PHACTR3: variants seen among roughly 807,000 people sequenced by gnomAD.
PHACTR3 encodes protein phosphatase 1, regulatory subunit 123.
Under a neutral mutation model 66.8 loss-of-function variants are expected in PHACTR3, and 16 were observed. The ratio of observed to expected loss-of-function variants is 0.24; its 90% CI spans 0.16 to 0.36. The LOEUF (loss-of-function observed/expected upper bound fraction) is 0.36, where lower values mean the gene tolerates loss of function less well. Ranked by LOEUF, PHACTR3 falls within the 10% of genes least tolerant of loss-of-function variation. PHACTR3 has a pLI of 1.00. For synonymous variants in PHACTR3, 323 were observed against 292.1 expected, an observed-to-expected ratio of 1.11 and a Z score of -1.08; for missense variants, 647 against 719.9, an observed-to-expected ratio of 0.90 and a Z score of 1.16.
At chr20:59,633,204 G>A (rs2034728808) in intron 1 of PHACTR3, among the ~76,000 whole-genome samples, 1 of 152,176 alleles carries the variant, frequency 6.6e-6, no homozygotes, top group South Asian at 2.1e-4. Flanking sequence ...ATGCATACGT[G>A]TGTTTATTGC....
intron 1 of PHACTR3, among the ~76,000 whole-genome samples, chr20:59,667,756 T>C (rs1339578088): frequency 6.6e-6 from 1 of 152,186 alleles, no homozygotes; most frequent in Non-Finnish European, 1.5e-5. Flanking sequence ...CTGAAAGGCT[T>C]CCTGTCCTGC....
At chr20:59,609,403 C>T (rs1413952904) in intron 1 of PHACTR3, among the ~76,000 whole-genome samples, 1 of 152,138 alleles carries the variant, frequency 6.6e-6, no homozygotes, top group Non-Finnish European at 1.5e-5. Context: ...CTTGACACCT[C>T]CCTCTCCCAA....
intron 9 of PHACTR3, among the ~76,000 whole-genome samples, chr20:59,839,914 G>A (rs2059028034): frequency 6.6e-6 from 1 of 152,176 alleles, no homozygotes; most frequent in African/African-American, 2.4e-5. Context: ...TAAAAAGTCT[G>A]TACGCTTATT....
At position 59,815,692 on chromosome 20, in the gene PHACTR3, G is replaced by A. The variant is rs570471386; in HGVS notation, c.1328+9498G>A. Among the ~76,000 whole-genome samples, 10 of 152,254 alleles carry A rather than the reference G, an allele frequency of 6.6e-5. No individual in the cohort carries two copies. In the South Asian group the frequency reaches 1.9e-3, roughly 28 times the overall value. On this transcript the variant is annotated intron_variant, in intron 8 of 12. Transcript: ENST00000371015. ...CCTGCCTTGGCCTCCCAAAGTGCTG[G>A]GATTGCAGGCGTAAGCCACCACGCC...
At chr20:59,627,450 C>T (rs1292427620) in intron 1 of PHACTR3, among the ~76,000 whole-genome samples, 2 of 152,198 alleles carry the variant, frequency 1.3e-5, no homozygotes, top group African/African-American at 2.4e-5. Context: ...TCCAAGCGTT[C>T]CAGCCTGAGC....
intron 1 of PHACTR3, among the ~76,000 whole-genome samples, chr20:59,728,301 T>C (rs955641752): frequency 3.3e-5 from 5 of 152,088 alleles, no homozygotes; most frequent in Non-Finnish European, 1.5e-5. Flanking sequence ...TTCTTCCTGG[T>C]AAGAGCGTAA....
intron 4 of PHACTR3, among the ~76,000 whole-genome samples, chr20:59,761,449 A>G (rs1317114031): frequency 1.3e-5 from 2 of 152,130 alleles, no homozygotes; most frequent in Non-Finnish European, 1.5e-5. Flanking sequence ...ACAAGTGACC[A>G]TGGCTCACCA....
At chr20:59,649,382 A>G (rs2035387057) in intron 1 of PHACTR3, among the ~76,000 whole-genome samples, 1 of 152,240 alleles carries the variant, frequency 6.6e-6, no homozygotes, top group African/African-American at 2.4e-5. Flanking sequence ...AGGCACATCT[A>G]TTAATGAAGT....
chr20:59,640,663 A>G (rs576158886), intron 1 of PHACTR3, among the ~76,000 whole-genome samples: 7 of 152,188 alleles, frequency 4.6e-5, no homozygotes, highest in Non-Finnish European at 1.0e-4. Context: ...TCAAACCAGT[A>G]GTAGAGAAGG....
In PHACTR3 at chr20:59,719,702, G is replaced by C. The variant is rs538351465; in HGVS notation, c.119-23405G>C. On this transcript the variant is annotated intron_variant, in intron 1 of 12. Coordinates refer to ENST00000371015, the MANE Select transcript of PHACTR3 (RefSeq NM_080672.5). The stretch of plus-strand genomic sequence containing the variant: ...GGAATCTGCAAGGATTGGGGAATTT[G>C]AAAGATTCAGGGGAATTAGTTCGGC... Among the ~76,000 whole-genome samples, 237 of 152,308 alleles carry C rather than the reference G, an allele frequency of 1.6e-3. 1 individual carries two copies. The highest frequency in any genetic ancestry group is 3.3e-3 in the South Asian group (16 of 4,824).
At chr20:59,705,893 G>A (rs916794046) in intron 1 of PHACTR3, among the ~76,000 whole-genome samples, 17 of 152,240 alleles carry the variant, frequency 1.1e-4, no homozygotes, top group African/African-American at 3.4e-4. Flanking sequence ...GAGGAGGGAC[G>A]AGGATCTACC....
Position 59,766,230 on chromosome 20 carries a change from C to G in PHACTR3, c.542-956C>G, listed in dbSNP as rs6100579. ...GGGCTTGAGCAGTCATGCAGAGCAC[C>G]TGCAGGAGGAAGCTCCTGGCCACGG... On this transcript the variant is annotated intron_variant, in intron 4 of 12. Coordinates refer to ENST00000371015, the MANE Select transcript of PHACTR3 (RefSeq NM_080672.5). 9.2e-3 allele frequency among the ~76,000 whole-genome samples: 1,402 copies of G among 152,276 alleles called. 17 individuals carry two copies. Among genetic ancestry groups the G allele is most frequent in the African/African-American group, 0.03 (1,238 of 41,540 alleles).
chr20:59,577,765 G>A, intron 1 of PHACTR3: 3 of 446,908 alleles, frequency 6.7e-6, no homozygotes, highest in Non-Finnish European at 1.0e-5. Context: ...AGCCACAGAG[G>A]TGGGCGCCCC....
At chr20:59,843,809 G>A (rs143245897) in intron 11 of PHACTR3, 81 of 152,022 alleles carry the variant, frequency 5.3e-4, no homozygotes, top group African/African-American at 1.9e-3. Context: ...AGCACAGATA[G>A]CAACCAAAAT....
At chr20:59,745,018 G>A (rs919766140) in intron 2 of PHACTR3, among the ~76,000 whole-genome samples, 1 of 152,324 alleles carries the variant, frequency 6.6e-6, no homozygotes, top group Non-Finnish European at 1.5e-5. Flanking sequence ...TGGGCTCTTA[G>A]TGATCCAGGC....
chr20:59,760,069 C>G (rs149995401), intron 4 of PHACTR3, among the ~76,000 whole-genome samples: 3 of 151,964 alleles, frequency 2.0e-5, no homozygotes, highest in African/African-American at 7.3e-5. Context: ...TGCTGGGGGT[C>G]GGGGAGAGGG....
chr20:59,771,649 T>G (rs1477565970), intron 5 of PHACTR3, among the ~76,000 whole-genome samples: 1 of 152,030 alleles, frequency 6.6e-6, no homozygotes, highest in African/African-American at 2.4e-5. Flanking sequence ...TCCTTCTCTA[T>G]TCTACAATCA....
intron 1 of PHACTR3, among the ~76,000 whole-genome samples, chr20:59,641,103 G>A (rs536820987): frequency 6.6e-6 from 1 of 152,196 alleles, no homozygotes; most frequent in South Asian, 2.1e-4. Flanking sequence ...ATAGGATATA[G>A]AGATTTATCT....
chr20:59,640,557 A>G (rs373328226), intron 1 of PHACTR3, among the ~76,000 whole-genome samples: 18 of 152,274 alleles, frequency 1.2e-4, no homozygotes, highest in African/African-American at 4.3e-4. Flanking sequence ...GCAGAGGATG[A>G]TCTGCACAGC....
Sources: gnomAD v4.1 joint callset for allele counts (sites outside exome capture counted in the v4.1 genomes callset) on GRCh38, gnomAD v4.1.1 for gene constraint, MANE v1.5 for transcripts, NCBI Gene and HGNC (gene_info 2026-07-23, HGNC 2026-07-21) for gene names.